CNTN6: variants seen among roughly 807,000 people sequenced by gnomAD.
CNTN6 encodes contactin-6.
A neutral mutation model predicts 122.8 loss-of-function variants in CNTN6; 137 were observed. The observed-to-expected ratio is 1.12, with a 90% CI of 0.97 to 1.29. The LOEUF is 1.29. Among genes scored for constraint, CNTN6 ranks in the 50% most tolerant of loss-of-function variants. The pLI is 0.00. For missense variants in CNTN6, 1,634 were observed against 1,223.4 expected (o/e 1.34, Z -5.01); for synonymous variants, 570 against 426.0 (o/e 1.34, Z -4.16).
intron 2 of CNTN6, among the ~76,000 whole-genome samples, chr3:1,202,543 A>T (rs1305359933): frequency 7.9e-6 from 1 of 126,504 alleles, no homozygotes; most frequent in Non-Finnish European, 1.7e-5. Flanking sequence ...TCCGTCTCAA[A>T]AAATAAATAA....
At chr3:1,361,411 C>T (rs766438751) in intron 12 of CNTN6, among the ~76,000 whole-genome samples, 11 of 152,078 alleles carry the variant, frequency 7.2e-5, no homozygotes, top group Non-Finnish European at 1.2e-4. Flanking sequence ...TCCTTTTGTT[C>T]AGCATTCCTA....
chr3:1,110,923 G>A (rs1490114876), intron 1 of CNTN6, among the ~76,000 whole-genome samples: 1 of 152,166 alleles, frequency 6.6e-6, no homozygotes, highest in Non-Finnish European at 1.5e-5. Flanking sequence ...GAATTTTAGA[G>A]CCAGGCACAC....
intron 16 of CNTN6, among the ~76,000 whole-genome samples, chr3:1,376,742 G>C (rs975565339): frequency 3.3e-5 from 5 of 152,136 alleles, no homozygotes; most frequent in Non-Finnish European, 5.9e-5. Flanking sequence ...ATTAGTAGAT[G>C]ATGCATAATG....
intron 7 of CNTN6, among the ~76,000 whole-genome samples, chr3:1,313,205 A>G (rs114676155): frequency 0.058 from 8,771 of 152,180 alleles, 346 homozygotes; most frequent in African/African-American, 0.099. Flanking sequence ...AAAAAATTAT[A>G]GACAAGCTGT....
intron 2 of CNTN6, among the ~76,000 whole-genome samples, chr3:1,151,001 G>T (rs1046031807): frequency 6.4e-4 from 97 of 152,262 alleles, no homozygotes; most frequent in East Asian, 3.9e-4. Context: ...GCTGGGAAAG[G>T]CAGGGGGACA....
At chr3:1,401,271 C>G in intron 20 of CNTN6, 162 bp from the exon 21 acceptor site, 1 of 586,198 alleles carries the variant, frequency 1.7e-6, no homozygotes. Context: ...AATAAATTTG[C>G]TTACTGTGAT....
chr3:1,156,154 GTC>G (rs1240832978), intron 2 of CNTN6, among the ~76,000 whole-genome samples: 1 of 152,090 alleles, frequency 6.6e-6, no homozygotes, highest in African/African-American at 2.4e-5. Context: ...AAATCCCCAA[GTC>G]TCTCCTTATA....
chr3:1,332,852 T>C (rs549964002), intron 11 of CNTN6, among the ~76,000 whole-genome samples: 1 of 152,150 alleles, frequency 6.6e-6, no homozygotes, highest in Admixed American at 6.6e-5. Flanking sequence ...CCAAATTCTT[T>C]TTTCCCTGAT....
At chr3:1,292,945 T>C (rs78379540) in intron 5 of CNTN6, among the ~76,000 whole-genome samples, 1,971 of 151,716 alleles carry the variant, frequency 0.013, 61 homozygotes, top group African/African-American at 0.045. Context: ...TAACATGCTT[T>C]TTACCTAACA....
At chr3:1,096,075 C>G (rs551451406) in intron 1 of CNTN6, among the ~76,000 whole-genome samples, 1 of 152,126 alleles carries the variant, frequency 6.6e-6, no homozygotes, top group South Asian at 2.1e-4. Context: ...ATGCAAGATA[C>G]GTTATCTTTC....
At chr3:1,231,698 G>C (rs1559558744) in intron 4 of CNTN6, among the ~76,000 whole-genome samples, 1 of 152,168 alleles carries the variant, frequency 6.6e-6, no homozygotes, top group Non-Finnish European at 1.5e-5. Context: ...TTTAGCTAAA[G>C]TATATTTTGA....
At chr3:1,331,496 CTCT>C (rs1323561223) in intron 11 of CNTN6, among the ~76,000 whole-genome samples, 1 of 151,948 alleles carries the variant, frequency 6.6e-6, no homozygotes, top group Non-Finnish European at 1.5e-5. Context: ...CAGGTTGGGT[CTCT>C]TCTTCTGTGT....
intron 2 of CNTN6, among the ~76,000 whole-genome samples, chr3:1,172,889 G>C (rs1440457130): frequency 6.6e-6 from 1 of 152,152 alleles, no homozygotes; most frequent in South Asian, 2.1e-4. Flanking sequence ...GTCTGTTGGT[G>C]TCTCACTTGG....
At chr3:1,123,080 A>C (rs2092023283) in intron 1 of CNTN6, among the ~76,000 whole-genome samples, 2 of 151,858 alleles carry the variant, frequency 1.3e-5, no homozygotes, top group Admixed American at 1.3e-4. Context: ...TGGGAAGTAT[A>C]AGTCCTTCAA....
chr3:1,325,094 G>C (rs761344070), intron 8 of CNTN6, among the ~76,000 whole-genome samples: 1 of 151,838 alleles, frequency 6.6e-6, no homozygotes, highest in South Asian at 2.1e-4. Flanking sequence ...TTTCCAACCC[G>C]CCTGTTTCCA....
intron 2 of CNTN6, among the ~76,000 whole-genome samples, chr3:1,162,544 T>C (rs1269833311): frequency 6.6e-6 from 1 of 152,240 alleles, no homozygotes; most frequent in Non-Finnish European, 1.5e-5. Flanking sequence ...GTCCTCTTTC[T>C]GTAACATTGC....
chr3:1,210,989 T>C (rs1403167165), intron 2 of CNTN6, among the ~76,000 whole-genome samples: 1 of 152,338 alleles, frequency 6.6e-6, no homozygotes, highest in Non-Finnish European at 1.5e-5. Flanking sequence ...TAAATGTGAC[T>C]CACTGCTGAC....
At chr3:1,115,748 T>C (rs1574901687) in intron 1 of CNTN6, among the ~76,000 whole-genome samples, 1 of 147,136 alleles carries the variant, frequency 6.8e-6, no homozygotes, top group Non-Finnish European at 1.5e-5. Flanking sequence ...TGATACTCTG[T>C]CTCAAAATAA....
At chr3:1,382,426 C>G (rs1349596319) in intron 17 of CNTN6, among the ~76,000 whole-genome samples, 4 of 151,974 alleles carry the variant, frequency 2.6e-5, no homozygotes, top group African/African-American at 9.7e-5. Flanking sequence ...AGATGTATGC[C>G]TAAAAAAATG....
Sources: allele counts gnomAD v4.1 joint callset (sites outside exome capture counted in the v4.1 genomes callset), GRCh38; gene constraint gnomAD v4.1.1; transcripts MANE v1.5; gene names NCBI Gene and HGNC (gene_info 2026-07-23, HGNC 2026-07-21).